XPNPEP2: variants seen among roughly 807,000 people sequenced by gnomAD.
XPNPEP2 encodes xaa-Pro aminopeptidase 2.
Under a neutral mutation model 59.8 loss-of-function variants are expected in XPNPEP2, and 64 were observed. The ratio of observed to expected loss-of-function variants is 1.07; its 90% CI spans 0.87 to 1.32. XPNPEP2 has a LOEUF of 1.32. XPNPEP2 is among the 40% of genes most tolerant of loss of function. The pLI is 0.00. For synonymous variants in XPNPEP2, 235 were observed against 210.0 expected (o/e 1.12, Z -1.03); for missense variants, 575 against 546.8 (o/e 1.05, Z -0.51).
rs1388103985 is a variant in XPNPEP2 at position 129,761,240 on chromosome X, G to A, written c.1567G>A (p.Gly523Ser). The change falls in exon 17 of 21, where the codon GGC becomes AGC. Residue 523 changes from glycine (G) to serine (S), a missense_variant. Coordinates refer to ENST00000371106, the MANE Select transcript of XPNPEP2 (RefSeq NM_003399.6). ...DAGLNYGHGT[G>S]HGIGNFLCVH... ...TGGTCTCAATTATGGTCATGGGACA[G>A]GCCACGGCATTGGCAACTTCCTGTG... The A allele has an allele frequency of 2.5e-6, 3 of 1,210,545 alleles. No individual in the cohort carries two copies. The highest frequency in any genetic ancestry group is 2.3e-4 in the Middle Eastern group (1 of 4,371).
chrX:129,759,880 C>A (rs1448098291), intron 15 of XPNPEP2, among the ~76,000 whole-genome samples: 1 of 112,360 alleles, frequency 8.9e-6, no homozygotes, highest in Non-Finnish European at 1.9e-5. Context: ...TTGACCACAT[C>A]GCCTCTGGAA....
chrX:129,761,068 G>T, intron 16 of XPNPEP2, 104 bp from the exon 17 acceptor site: 1 of 787,764 alleles, frequency 1.3e-6, no homozygotes, highest in African/African-American at 2.1e-5. Context: ...GCCTCTCAGG[G>T]GCCCCTCTTC....
At chrX:129,742,048 T>A (rs1926193450) in intron 1 of XPNPEP2, 60 bp from the exon 2 acceptor site, 2 of 1,115,072 alleles carry the variant, frequency 1.8e-6, no homozygotes, top group Non-Finnish European at 2.5e-6. Flanking sequence ...AGGATACTCC[T>A]TCCCTCTCTA....
chrX:129,745,075 G>A (rs1926268402), intron 3 of XPNPEP2, 128 bp from the exon 4 acceptor site: 2 of 744,157 alleles, frequency 2.7e-6, no homozygotes, highest in East Asian at 6.8e-5. Context: ...GGCACTTGGT[G>A]TGCTTGGGCT....
chrX:129,740,652 G>C (rs762536263), intron 1 of XPNPEP2, among the ~76,000 whole-genome samples: 2 of 106,551 alleles, frequency 1.9e-5, no homozygotes, highest in Non-Finnish European at 3.9e-5. Flanking sequence ...ATGCGGGCGC[G>C]GGGGGCGTTG....
In XPNPEP2 at chrX:129,745,271, C is replaced by T; in HGVS notation, c.298+5C>T. The T allele has an allele frequency of 8.3e-7, 1 of 1,211,327 alleles. No individual in the cohort carries two copies. Among genetic ancestry groups the T allele is most frequent in the East Asian group, 3.0e-5 (1 of 33,858 alleles). On this transcript the variant is annotated splice_donor_5th_base_variant and intron_variant, in intron 4 of 20. Coordinates refer to ENST00000371106, the MANE Select transcript of XPNPEP2 (RefSeq NM_003399.6). The stretch of plus-strand genomic sequence containing the variant: ...CAGGCTTTACAGGGTCTGCAGGTGA[C>T]AATCATTACCCAGCCCCATTGCTTT...
intron 19 of XPNPEP2, among the ~76,000 whole-genome samples, chrX:129,765,812 A>G (rs1349977881): frequency 9.2e-6 from 1 of 108,984 alleles, no homozygotes; most frequent in Non-Finnish European, 1.9e-5. Context: ...TAATTTTTGT[A>G]TTTTTAGTAG....
In XPNPEP2 at chrX:129,752,169, C is replaced by T. The variant is rs775059212; in HGVS notation, c.841C>T (p.Arg281Cys). 8.3e-7 allele frequency: 1 copy of T among 1,210,859 alleles called. No homozygotes were observed. The highest frequency in any genetic ancestry group is 1.1e-6 in the Non-Finnish European group (1 of 895,091). ...ACCCAGGTTGTTTGCAAACAAGAGT[C>T]GCTTTAGCTCCGAAACCTTGAGCTA... ...SSIRLFANKS[R>C]FSSETLSYLN... is the part of the protein sequence containing the mutation. The change falls in exon 10 of 21, where the codon CGC becomes TGC. Residue 281 changes from arginine (R) to cysteine (C), a missense_variant. Coordinates refer to ENST00000371106, the MANE Select transcript of XPNPEP2 (RefSeq NM_003399.6).
intron 2 of XPNPEP2, among the ~76,000 whole-genome samples, chrX:129,742,837 G>C (rs780846976): frequency 1.8e-5 from 2 of 112,182 alleles, no homozygotes; most frequent in African/African-American, 6.5e-5. Flanking sequence ...AGGAAGCAGA[G>C]GTTGCAGTGA....
At chrX:129,754,690 A>C in intron 12 of XPNPEP2, 109 bp downstream of exon 12, 8 of 703,553 alleles carry the variant, frequency 1.1e-5, no homozygotes, top group African/African-American at 4.4e-5. Context: ...TCCTCCTCAT[A>C]TGCGTGCTGG....
chrX:129,755,519 G>A, intron 13 of XPNPEP2, 148 bp downstream of exon 13: 1 of 519,914 alleles, frequency 1.9e-6, no homozygotes, highest in Non-Finnish European at 3.2e-6. Context: ...TGGGAGAGGA[G>A]CTCAGTGTGG....
intron 9 of XPNPEP2, 92 bp from the exon 10 acceptor site, chrX:129,752,058 G>T: frequency 9.3e-7 from 1 of 1,070,337 alleles, no homozygotes; most frequent in South Asian, 2.2e-5. Flanking sequence ...GGCTTCCTTT[G>T]ACCTCCAGGA....
At position 129,751,759 on chromosome X, in the gene XPNPEP2, C is replaced by G. The variant is rs189381278; in HGVS notation, c.754C>G (p.Arg252Gly). 3.3e-4 allele frequency: 403 copies of G among 1,207,936 alleles called. 2 individuals are homozygous for G. The African/African-American group carries it at 6.1e-3, about 18-fold the overall frequency. The part of the protein sequence containing the change: ...LEETAWLFNL[R>G]ASDIPYNPFF... The stretch of plus-strand genomic sequence containing the variant: ...TCTCTTCCCAGGGCTCTTCAACCTT[C>G]GAGCCAGTGACATCCCCTATAACCC... Residue 252 changes from arginine to glycine, a missense_variant, in exon 9 of 21, where the codon CGA becomes GGA. Transcript: ENST00000371106.
At chrX:129,767,733 C>T in intron 20 of XPNPEP2, 41 bp downstream of exon 20, 5 of 1,176,876 alleles carry the variant, frequency 4.2e-6, no homozygotes, top group Non-Finnish European at 5.8e-6. Context: ...GACCCTGGGC[C>T]TTTCCTGCCT....
chrX:129,754,703 G>C (rs1005037326), intron 12 of XPNPEP2, 122 bp downstream of exon 12: 17 of 658,084 alleles, frequency 2.6e-5, no homozygotes, highest in South Asian at 5.3e-5. Context: ...CGTGCTGGGT[G>C]GGGGAGGGCT....
At chrX:129,741,055 A>C (rs1447751605) in intron 1 of XPNPEP2, among the ~76,000 whole-genome samples, 2 of 109,216 alleles carry the variant, frequency 1.8e-5, no homozygotes, top group Non-Finnish European at 3.8e-5. Context: ...GGCAAGGACT[A>C]TCAGAGACCG....
chrX:129,747,562 G>A, intron 6 of XPNPEP2, 45 bp from the exon 7 acceptor site: 1 of 1,196,432 alleles, frequency 8.4e-7, no homozygotes, highest in South Asian at 1.8e-5. Context: ...TTTTTCCTGG[G>A]GTGTAAATGG....
intron 13 of XPNPEP2, among the ~76,000 whole-genome samples, chrX:129,755,942 G>A (rs1926509162): frequency 8.9e-6 from 1 of 112,227 alleles, no homozygotes; most frequent in African/African-American, 3.2e-5. Flanking sequence ...ACCCACTCGG[G>A]CTAGAGTGGC....
Position 129,753,125 on chromosome X carries a change from C to G in XPNPEP2, c.1018-34C>G, listed in dbSNP as rs369287418. On this transcript the variant is annotated intron_variant, in intron 10 of 20. Coordinates refer to ENST00000371106, the MANE Select transcript of XPNPEP2 (RefSeq NM_003399.6). ...TTACTGTGCCCCCAGACCTGTGCCC[C>G]CAGACCTCCTTTTCTCCTCCCTGCC... is the stretch of plus-strand genomic sequence containing the variant. 1.2e-3 allele frequency: 1,396 copies of G among 1,175,371 alleles called. 3 individuals are homozygous for G. The highest frequency in any genetic ancestry group is 3.5e-3 in the Middle Eastern group (15 of 4,264).
Sources: allele counts gnomAD v4.1 joint callset (sites outside exome capture counted in the v4.1 genomes callset), GRCh38; gene constraint gnomAD v4.1.1; transcripts MANE v1.5; gene names NCBI Gene and HGNC (gene_info 2026-07-23, HGNC 2026-07-21).